The following OTOGL variants were observed in gnomAD, a reference collection of about 807,000 sequenced individuals.
OTOGL encodes otogelin-like protein.
Under a neutral mutation model 318.5 loss-of-function variants are expected in OTOGL, and 285 were observed. That is an observed-to-expected ratio of 0.89 (90% CI 0.81 to 0.99). The LOEUF is 0.99. OTOGL is among the 50% of genes least tolerant of loss of function. The probability of loss-of-function intolerance (pLI) is 0.00; values close to 1 mark genes in which losing one functional copy is unlikely to be tolerated. For synonymous variants in OTOGL, 987 were observed against 936.5 expected (o/e 1.05, Z -0.99); for missense variants, 2,899 against 2,845.6 (o/e 1.02, Z -0.43).
intron 1 of OTOGL, among the ~76,000 whole-genome samples, chr12:80,119,598 C>T (rs2137095882): frequency 6.6e-6 from 1 of 152,244 alleles, no homozygotes; most frequent in Admixed American, 6.5e-5. Flanking sequence ...TGCCTAATGC[C>T]CTTAACTTGA....
rs1872203428 is a variant in OTOGL, at chr12:80,144,583, G to A, written c.-20+44978G>A. 2.0e-5 allele frequency among the ~76,000 whole-genome samples: 3 copies of A among 151,618 alleles called. No homozygotes were observed. The South Asian group carries it at 6.3e-4, about 32-fold the overall frequency. Reference sequence around the variant, plus strand: ...TGGGTATATATCCAGTAATGGGATGGCTGGGTCAAATGGTATTTCTAGTTC... The same window carrying A: ...TGGGTATATATCCAGTAATGGGATGACTGGGTCAAATGGTATTTCTAGTTC... On this transcript the variant is annotated intron_variant, in intron 1 of 58. Transcript: ENST00000547103.
chr12:80,307,925 C>G (rs372363486), intron 29 of OTOGL, among the ~76,000 whole-genome samples: 66,657 of 122,174 alleles, frequency 0.55, 20,270 homozygotes, highest in East Asian at 0.88. Context: ...GGGGGCTGAC[C>G]CCCCCACCTC....
At chr12:80,118,759 G>A (rs907347708) in intron 1 of OTOGL, among the ~76,000 whole-genome samples, 6 of 151,902 alleles carry the variant, frequency 3.9e-5, no homozygotes, top group Non-Finnish European at 8.8e-5. Flanking sequence ...GTAGGAAAAA[G>A]ATGAAAGCTA....
At chr12:80,282,096 A>G (rs530923392) in intron 26 of OTOGL, among the ~76,000 whole-genome samples, 2 of 151,990 alleles carry the variant, frequency 1.3e-5, no homozygotes, top group South Asian at 4.1e-4. Flanking sequence ...TTACCTGTAT[A>G]CTCAAATTTT....
chr12:80,261,567 C>T (rs1357842933), intron 18 of OTOGL, among the ~76,000 whole-genome samples: 2 of 151,862 alleles, frequency 1.3e-5, no homozygotes, highest in African/African-American at 2.4e-5. Context: ...CCACATGCAC[C>T]CTCAACCACA....
intron 1 of OTOGL, among the ~76,000 whole-genome samples, chr12:80,191,331 G>A (rs904083390): frequency 1.3e-5 from 2 of 152,130 alleles, no homozygotes; most frequent in Admixed American, 6.5e-5. Context: ...CCAGCTACTC[G>A]GGAGGCTGAG....
chr12:80,145,691 C>G (rs1052433285), intron 1 of OTOGL, among the ~76,000 whole-genome samples: 1 of 151,896 alleles, frequency 6.6e-6, no homozygotes, highest in Non-Finnish European at 1.5e-5. Flanking sequence ...TACCCATGAG[C>G]ATGGAATGTT....
intron 1 of OTOGL, among the ~76,000 whole-genome samples, chr12:80,155,912 C>G (rs1289998171): frequency 6.6e-6 from 1 of 152,206 alleles, no homozygotes. Flanking sequence ...AGCATGATGA[C>G]CTCCAGTTAC....
chr12:80,305,465 G>A (rs1392267661), intron 28 of OTOGL, 111 bp from the exon 29 acceptor site: 1 of 963,470 alleles, frequency 1.0e-6, no homozygotes, highest in Admixed American at 4.2e-5. Flanking sequence ...AATGATTGCT[G>A]TGAAAATGCT....
chr12:80,279,199 C>T lies in OTOGL; in HGVS notation c.2928+33C>T, dbSNP rs375965438. 467 of 1,552,396 alleles carry T rather than the reference C, an allele frequency of 3.0e-4. 2 individuals carry two copies. The African/African-American group carries it at 5.3e-3, about 18-fold the overall frequency. ...ACAGTTACACATTTTTATTTGCATTCGTGTAAAGATTTAATGTAAAAAACA... is the reference window on the plus strand; with the variant it reads ...ACAGTTACACATTTTTATTTGCATTTGTGTAAAGATTTAATGTAAAAAACA... On this transcript the variant is annotated intron_variant, in intron 26 of 58. Coordinates refer to ENST00000547103, the MANE Select transcript of OTOGL (RefSeq NM_001378609.3).
At chr12:80,339,435 A>G (rs1215513168) in intron 43 of OTOGL, among the ~76,000 whole-genome samples, 171 bp downstream of exon 43, 1 of 150,702 alleles carries the variant, frequency 6.6e-6, no homozygotes, top group African/African-American at 2.4e-5. Context: ...TTTTTCCATA[A>G]ATGTGCTAAG....
At chr12:80,371,084 A>G (rs2138095901) in intron 56 of OTOGL, among the ~76,000 whole-genome samples, 1 of 152,194 alleles carries the variant, frequency 6.6e-6, no homozygotes, top group South Asian at 2.1e-4. Flanking sequence ...GGCCTGTATG[A>G]TGTTTGCCCT....
chr12:80,291,901 AC>A (rs1885064759), intron 26 of OTOGL, among the ~76,000 whole-genome samples: 1 of 152,216 alleles, frequency 6.6e-6, no homozygotes, highest in Non-Finnish European at 1.5e-5. Context: ...ACAAGAGCAT[AC>A]TTTACTCAAT....
chr12:80,111,884 G>T (rs1306143856), intron 1 of OTOGL, among the ~76,000 whole-genome samples: 2 of 152,276 alleles, frequency 1.3e-5, no homozygotes, highest in Non-Finnish European at 2.9e-5. Flanking sequence ...CATGAGCATG[G>T]AATGTTTTTC....
chr12:80,286,670 A>G (rs941237571), intron 26 of OTOGL, among the ~76,000 whole-genome samples: 1 of 152,148 alleles, frequency 6.6e-6, no homozygotes, highest in Non-Finnish European at 1.5e-5. Context: ...AGAAGTGTTT[A>G]AAGTATTCTC....
intron 37 of OTOGL, among the ~76,000 whole-genome samples, chr12:80,331,630 G>A (rs1353110004): frequency 6.6e-6 from 1 of 152,010 alleles, no homozygotes; most frequent in Non-Finnish European, 1.5e-5. Context: ...GACAGCCACC[G>A]TGCCCGGCCA....
intron 49 of OTOGL, among the ~76,000 whole-genome samples, chr12:80,357,182 C>A (rs1451077202): frequency 6.6e-6 from 1 of 152,088 alleles, no homozygotes; most frequent in Non-Finnish European, 1.5e-5. Context: ...AGGCCAATAC[C>A]TTTTTTCGAA....
chr12:80,368,784 G>C (rs1021495484), intron 55 of OTOGL, among the ~76,000 whole-genome samples: 2 of 150,046 alleles, frequency 1.3e-5, no homozygotes, highest in Non-Finnish European at 3.0e-5. Flanking sequence ...TTACTGATCT[G>C]TAAGGAATCT....
At chr12:80,339,906 TA>T (rs1454957234) in intron 43 of OTOGL, among the ~76,000 whole-genome samples, 2 of 152,224 alleles carry the variant, frequency 1.3e-5, no homozygotes, top group Non-Finnish European at 2.9e-5. Flanking sequence ...CATAATGAAA[TA>T]AAAAGAATAC....
Sources: gnomAD v4.1 joint callset for allele counts (sites outside exome capture counted in the v4.1 genomes callset) on GRCh38, gnomAD v4.1.1 for gene constraint, MANE v1.5 for transcripts, NCBI Gene and HGNC (gene_info 2026-07-23, HGNC 2026-07-21) for gene names.